The following GCN1 variants were observed in gnomAD, a reference collection of about 807,000 sequenced individuals.
GCN1 encodes GCN1 activator of EIF2AK4, also known as stalled ribosome sensor GCN1.
GCN1 carries 90 observed loss-of-function variants against 288.4 expected under a neutral mutation model. That is an observed-to-expected ratio of 0.31 (90% CI 0.26 to 0.37). GCN1 has a LOEUF of 0.37. Among genes scored for constraint, GCN1 ranks in the 10% least tolerant of loss-of-function variants. GCN1 has a pLI of 1.00. For synonymous variants in GCN1, 1,386 were observed against 1,420.2 expected, an observed-to-expected ratio of 0.98 and a Z score of 0.54; for missense variants, 2,586 against 3,419.9, an observed-to-expected ratio of 0.76 and a Z score of 6.08.
rs761796615 is a variant in GCN1, at chr12:120,144,607, G to T, written c.5352+32C>A. The T allele has an allele frequency of 2.5e-6, 4 of 1,593,706 alleles. No individual in the cohort carries two copies. In the Admixed American group the frequency reaches 6.7e-5, roughly 27 times the overall value. On this transcript the variant is annotated intron_variant, in intron 41 of 57. Transcript: ENST00000300648. The surrounding 1 kb of genome is among the most constrained non-coding windows in gnomAD (Gnocchi z 4.7). ...GCACTTGCCTCCTGCCCTCCTCAAG[G>T]ACTCTACCCTTGCCAAGGTCATGGT...
intron 16 of GCN1, among the ~76,000 whole-genome samples, chr12:120,165,008 C>CAT (rs1221275013): frequency 3.8e-5 from 5 of 131,236 alleles, no homozygotes; most frequent in African/African-American, 1.4e-4. Flanking sequence ...TATATACACA[C>CAT]ACACACACAC....
At chr12:120,135,829 C>T (rs909626745) in intron 51 of GCN1, among the ~76,000 whole-genome samples, 2 of 151,950 alleles carry the variant, frequency 1.3e-5, no homozygotes, top group Non-Finnish European at 2.9e-5. Context: ...TCGAGACCAG[C>T]CTGGTGAAAC....
rs1877011396 is a variant in GCN1 at position 120,136,607 on chromosome 12, G to C, written c.6903C>G (p.Pro2301=). The C allele has an allele frequency of 1.9e-6, 3 of 1,614,158 alleles. No homozygotes were observed. Among genetic ancestry groups the C allele is most frequent in the East Asian group, 2.2e-5 (1 of 44,890 alleles). ...GAGGGCCAGTGATGCTGACCACGGA[G>C]GGCCTCAGGGCGTCAGCCGAGGTCA... ...IRLTSADALR[P]SVVSITGPLI... Residue 2301 remains proline (P), a synonymous_variant, in exon 51 of 58, where the codon CCC becomes CCG. Coordinates refer to ENST00000300648, the MANE Select transcript of GCN1 (RefSeq NM_006836.2).
At chr12:120,163,392 T>C in intron 18 of GCN1, 133 bp from the exon 19 acceptor site, 1 of 675,986 alleles carries the variant, frequency 1.5e-6, no homozygotes, top group East Asian at 2.7e-5. Context: ...TAGAAATGGA[T>C]GCCCAGCTTC....
chr12:120,133,644 C>A (rs1876902463), intron 53 of GCN1, among the ~76,000 whole-genome samples: 1 of 152,158 alleles, frequency 6.6e-6, no homozygotes, highest in Non-Finnish European at 1.5e-5. Flanking sequence ...TTTCACAAAA[C>A]AATAAATAAA....
At position 120,134,459 on chromosome 12, in the gene GCN1, C is replaced by T. The variant is rs1876931864; in HGVS notation, c.7203-54G>A. The T allele has an allele frequency of 1.3e-6, 2 of 1,592,940 alleles. No individual in the cohort carries two copies. Among genetic ancestry groups the T allele is most frequent in the Non-Finnish European group, 1.7e-6 (2 of 1,161,190 alleles). ...CTGGGTGCCTCCACCACCACCCCTC[C>T]TGCCAGCGCAGGCTCGGCCCACAGC... is the stretch of plus-strand genomic sequence containing the variant. On this transcript the variant is annotated intron_variant, in intron 52 of 57. Transcript: ENST00000300648. The surrounding 1 kb of genome is among the most constrained non-coding windows in gnomAD (Gnocchi z 5.0).
chr12:120,166,067 C>T (rs935067484), intron 16 of GCN1, among the ~76,000 whole-genome samples: 3 of 150,660 alleles, frequency 2.0e-5, no homozygotes, highest in African/African-American at 2.4e-5. Context: ...GGATTACAGG[C>T]GTGAGCCACC....
In GCN1 at chr12:120,137,383, T is replaced by C. The variant is rs909315996; in HGVS notation, c.6664-64A>G. On this transcript the variant is annotated intron_variant, in intron 49 of 57. Transcript: ENST00000300648. The surrounding 1 kb of genome is among the most constrained non-coding windows in gnomAD (Gnocchi z 5.2). ...CTCTCAAGACTGCTTCCAAAGAATA[T>C]ATGGGGAAAGCGTGGGCGGGAGTAT... 1.4e-6 allele frequency: 2 copies of C among 1,468,416 alleles called. No individual in the cohort carries two copies. The highest frequency in any genetic ancestry group is 1.9e-6 in the Non-Finnish European group (2 of 1,050,048). The allele number at this position is 1,468,416 out of a possible 1,614,324, so 91.0% of individuals were successfully genotyped here.
intron 15 of GCN1, among the ~76,000 whole-genome samples, chr12:120,168,795 A>G (rs1047240158): frequency 6.6e-6 from 1 of 152,012 alleles, no homozygotes; most frequent in South Asian, 2.1e-4. Flanking sequence ...CTACGGATAT[A>G]TTTCTGTATT....
At chr12:120,135,987 G>A (rs952334607) in intron 51 of GCN1, among the ~76,000 whole-genome samples, 4 of 152,072 alleles carry the variant, frequency 2.6e-5, no homozygotes, top group Non-Finnish European at 4.4e-5. Context: ...CTGCACTCCA[G>A]CTCTGGGTGA....
intron 14 of GCN1, among the ~76,000 whole-genome samples, chr12:120,171,898 A>G (rs571428077): frequency 1.2e-4 from 18 of 152,208 alleles, no homozygotes; most frequent in Non-Finnish European, 1.0e-4. Flanking sequence ...GACTTTTTAT[A>G]TAATTTTTGG....
rs1462130191 is a variant in GCN1 at position 120,144,880 on chromosome 12, T to C, written c.5155+43A>G. The C allele has an allele frequency of 3.1e-6, 5 of 1,613,820 alleles. No homozygotes were observed. The African/African-American group carries it at 5.3e-5, about 17-fold the overall frequency. ...GAGTCCACTGGATCTGAGGGCCCCT[T>C]AGAGCATTCCCAGGCTGGCCACTGG... is the stretch of plus-strand genomic sequence containing the variant. On this transcript the variant is annotated intron_variant, in intron 40 of 57. Transcript: ENST00000300648. The surrounding 1 kb of genome is among the most constrained non-coding windows in gnomAD (Gnocchi z 4.7).
intron 26 of GCN1, among the ~76,000 whole-genome samples, chr12:120,157,540 T>A (rs906157141): frequency 1.3e-5 from 2 of 152,174 alleles, no homozygotes; most frequent in African/African-American, 4.8e-5. Flanking sequence ...TAAGAACTCA[T>A]CAACAGGTAA....
chr12:120,136,432 G>A, intron 51 of GCN1, 70 bp downstream of exon 51: 2 of 1,184,172 alleles, frequency 1.7e-6, no homozygotes, highest in East Asian at 4.8e-5. Flanking sequence ...GCTGCTACAT[G>A]ACACCTTGTA....
rs182661884 is a variant in GCN1, at chr12:120,168,729, C to G, written c.1520-429G>C. 4.6e-5 allele frequency among the ~76,000 whole-genome samples: 7 copies of G among 152,290 alleles called. No individual in the cohort carries two copies. The East Asian group carries it at 9.6e-4, about 21-fold the overall frequency. On this transcript the variant is annotated intron_variant, in intron 15 of 57. Transcript: ENST00000300648. ...GAAGCCCTTCCCAATACCCACCCCC[C>G]CAACTAAAAGCAATCTCTCCTTCAA...
Position 120,152,249 on chromosome 12 carries a change from G to A in GCN1, c.4063-858C>T, listed in dbSNP as rs991099676. ...TCACTATGTTGCCCAGGCTGGTCTCGAACTACTGGCCTTAAGCAATCCTCC... is the reference window on the plus strand; with the variant it reads ...TCACTATGTTGCCCAGGCTGGTCTCAAACTACTGGCCTTAAGCAATCCTCC... On this transcript the variant is annotated intron_variant, in intron 33 of 57. Transcript: ENST00000300648. Among the ~76,000 whole-genome samples the A allele has an allele frequency of 1.1e-4, 17 of 151,694 alleles. No individual in the cohort carries two copies. In the South Asian group the frequency reaches 1.3e-3, roughly 11 times the overall value.
At chr12:120,131,540 A>C (rs1205606196) in intron 54 of GCN1, among the ~76,000 whole-genome samples, 1 of 152,248 alleles carries the variant, frequency 6.6e-6, no homozygotes, top group African/African-American at 2.4e-5. Flanking sequence ...AAGCCTGCTC[A>C]TGAACCACTC....
In GCN1 at chr12:120,142,397, C is replaced by T. The variant is rs1376254117; in HGVS notation, c.5829+110G>A. ...ACTAAGTAAAGAACACAATGTCCCT[C>T]TGTTAGGCAGGGTGGATGGGTACTT... On this transcript the variant is annotated intron_variant, in intron 44 of 57. Coordinates refer to ENST00000300648, the MANE Select transcript of GCN1 (RefSeq NM_006836.2). This position sits in a 1 kb window ranked among gnomAD's most constrained non-coding sequence, Gnocchi z 4.9. 2.8e-6 allele frequency: 2 copies of T among 721,386 alleles called. No homozygotes were observed. Among genetic ancestry groups the T allele is most frequent in the African/African-American group, 1.8e-5 (1 of 56,762 alleles). The allele number at this position is 721,386 out of a possible 1,614,324, so 44.7% of individuals were successfully genotyped here. A position where few individuals can be genotyped will look rare whatever the true frequency, so the allele number is the denominator to read the frequency against.
chr12:120,162,675 G>GT (rs1441615641), intron 20 of GCN1, among the ~76,000 whole-genome samples, 172 bp downstream of exon 20: 2 of 152,256 alleles, frequency 1.3e-5, no homozygotes, highest in Non-Finnish European at 2.9e-5. Context: ...AAATGAGGCA[G>GT]TAAGTTCCCT....
Sources: allele counts gnomAD v4.1 joint callset (sites outside exome capture counted in the v4.1 genomes callset), GRCh38; gene constraint gnomAD v4.1.1; non-coding constraint Gnocchi (gnomAD v3.1); transcripts MANE v1.5; gene names NCBI Gene and HGNC (gene_info 2026-07-23, HGNC 2026-07-21).